Variants in RBFOX2 observed in about 807,000 individuals in gnomAD.
RBFOX2 encodes RNA binding protein fox-1 homolog 2.
RBFOX2 carries 10 observed loss-of-function variants against 49.1 expected under a neutral mutation model. That is an observed-to-expected ratio of 0.20 (90% CI 0.13 to 0.35). The LOEUF is 0.35. Ranked by LOEUF, RBFOX2 falls within the 10% of genes least tolerant of loss-of-function variation. The probability of loss-of-function intolerance (pLI) is 1.00; values close to 1 mark genes in which losing one functional copy is unlikely to be tolerated. For missense variants in RBFOX2, 323 were observed against 486.9 expected, an observed-to-expected ratio of 0.66 and a Z score of 3.17; for synonymous variants, 183 against 187.4, an observed-to-expected ratio of 0.98 and a Z score of 0.19.
rs892478019 is a variant in RBFOX2, at chr22:35,858,356, C to T, written c.-33-48352G>A. On this transcript the variant is annotated intron_variant, in intron 1 of 13. Coordinates refer to the RBFOX2 transcript ENST00000359369. Reference sequence around the variant, plus strand: ...AATGCCCAAATCTTAAAAATGCTACCTTAAATGCCATCTGCTCCACAAAGC... The same window carrying T: ...AATGCCCAAATCTTAAAAATGCTACTTTAAATGCCATCTGCTCCACAAAGC... Among the ~76,000 whole-genome samples, 3 of 152,140 alleles carry T rather than the reference C, an allele frequency of 2.0e-5. No homozygotes were observed. In the East Asian group the frequency reaches 5.8e-4, roughly 29 times the overall value.
intron 2 of RBFOX2, among the ~76,000 whole-genome samples, chr22:35,787,969 A>C (rs1230193906): frequency 3.3e-5 from 5 of 152,194 alleles, no homozygotes; most frequent in Admixed American, 3.3e-4. Flanking sequence ...CCCTTCAAAC[A>C]ACTCATCTTC....
chr22:35,972,433 T>C (rs1416056972), intron 1 of RBFOX2, among the ~76,000 whole-genome samples: 1 of 135,898 alleles, frequency 7.4e-6, no homozygotes, highest in Non-Finnish European at 1.5e-5. Context: ...TAATGCTTCC[T>C]CAAAAAAAAA....
At chr22:35,827,709 T>C (rs968831686) in intron 1 of RBFOX2, among the ~76,000 whole-genome samples, 2 of 152,234 alleles carry the variant, frequency 1.3e-5, no homozygotes, top group Admixed American at 6.5e-5. Context: ...CTTTGTATTA[T>C]AATTACTTAC....
intron 6 of RBFOX2, among the ~76,000 whole-genome samples, chr22:35,762,883 C>T (rs1939466825): frequency 6.6e-6 from 1 of 152,104 alleles, no homozygotes; most frequent in South Asian, 2.1e-4. Context: ...CAAGTGAAAA[C>T]CTATTCACTC....
intron 2 of RBFOX2, among the ~76,000 whole-genome samples, chr22:35,797,435 T>A (rs1395763040): frequency 1.3e-5 from 2 of 152,256 alleles, no homozygotes; most frequent in African/African-American, 4.8e-5. Context: ...GCTTTATGAA[T>A]ACTTTTCACT....
chr22:36,011,546 A>G (rs1267518976), intron 1 of RBFOX2, among the ~76,000 whole-genome samples: 1 of 152,210 alleles, frequency 6.6e-6, no homozygotes, highest in Admixed American at 6.5e-5. Context: ...AAAGCAAAGC[A>G]AAGTGCAGAA....
At chr22:35,910,760 A>G (rs2049718670) in intron 1 of RBFOX2, among the ~76,000 whole-genome samples, 1 of 152,216 alleles carries the variant, frequency 6.6e-6, no homozygotes, top group African/African-American at 2.4e-5. Context: ...AAAAACTGAA[A>G]TAACATTATT....
chr22:35,951,240 CCTT>C (rs2054890094), intron 1 of RBFOX2, among the ~76,000 whole-genome samples: 1 of 127,944 alleles, frequency 7.8e-6, no homozygotes, highest in Non-Finnish European at 1.6e-5. Flanking sequence ...CGCACCCGGC[CCTT>C]TTTTTTTTTT....
chr22:35,838,101 TAAGC>T (rs1301738882), intron 1 of RBFOX2, among the ~76,000 whole-genome samples: 3 of 152,192 alleles, frequency 2.0e-5, no homozygotes, highest in Non-Finnish European at 2.9e-5. Flanking sequence ...CAGTAATTGC[TAAGC>T]AAGAAGAGAG....
chr22:36,028,330 C>T (rs548459820), exon 1 of RBFOX2: 2 of 1,502,974 alleles, frequency 1.3e-6, no homozygotes, highest in African/African-American at 1.4e-5. Flanking sequence ...CCGCTCCGGG[C>T]ACCGGCAGCT....
At chr22:35,978,333 A>T (rs946688366) in intron 1 of RBFOX2, among the ~76,000 whole-genome samples, 1 of 152,194 alleles carries the variant, frequency 6.6e-6, no homozygotes, top group African/African-American at 2.4e-5. Flanking sequence ...GCACAAAGAG[A>T]TATGGAAATA....
intron 1 of RBFOX2, chr22:35,961,455 C>T (rs1004531707): frequency 5.8e-6 from 7 of 1,204,352 alleles, no homozygotes; most frequent in South Asian, 4.1e-5. Flanking sequence ...CAATTCCACA[C>T]GACCGACCTC....
At chr22:35,982,825 A>G (rs2057528107) in intron 1 of RBFOX2, among the ~76,000 whole-genome samples, 1 of 152,004 alleles carries the variant, frequency 6.6e-6, no homozygotes, top group African/African-American at 2.4e-5. Flanking sequence ...AATCCTATTT[A>G]TTAGTGTTAT....
intron 1 of RBFOX2, among the ~76,000 whole-genome samples, chr22:35,833,478 T>C (rs1218849493): frequency 6.6e-6 from 1 of 152,204 alleles, no homozygotes; most frequent in African/African-American, 2.4e-5. Flanking sequence ...GCATGCGAAT[T>C]TGGGACTAAA....
chr22:35,964,170 T>G (rs1293472944), upstream of RBFOX2, among the ~76,000 whole-genome samples: 3 of 152,184 alleles, frequency 2.0e-5, no homozygotes, highest in African/African-American at 7.2e-5. Context: ...CCAGATCTGT[T>G]TGGATTCCAA....
intron 1 of RBFOX2, among the ~76,000 whole-genome samples, chr22:35,859,697 A>T (rs2042909769): frequency 6.6e-6 from 1 of 152,210 alleles, no homozygotes; most frequent in Non-Finnish European, 1.5e-5. Context: ...TCATTCATAA[A>T]TCAGTAAATG....
intron 9 of RBFOX2, among the ~76,000 whole-genome samples, chr22:35,756,918 G>A (rs1003079716): frequency 1.3e-5 from 2 of 151,870 alleles, no homozygotes. Context: ...CAGAGATAAT[G>A]AGCTAAAGGT....
exon 12 of RBFOX2, chr22:35,742,341 ATATGTATTCTACAC>A (rs1930376867): frequency 6.6e-6 from 1 of 152,572 alleles, no homozygotes; most frequent in South Asian, 2.1e-4. Flanking sequence ...GGGGGAAAGG[ATATGTATTCTACAC>A]AACAGGTCAA....
chr22:36,012,515 G>A (rs1460156112), intron 1 of RBFOX2, among the ~76,000 whole-genome samples: 1 of 152,092 alleles, frequency 6.6e-6, no homozygotes, highest in Non-Finnish European at 1.5e-5. Flanking sequence ...AGGAGTTCAA[G>A]GCTGCAGTGA....
Sources: allele counts gnomAD v4.1 joint callset (sites outside exome capture counted in the v4.1 genomes callset), GRCh38; gene constraint gnomAD v4.1.1; transcripts MANE v1.5; gene names NCBI Gene and HGNC (gene_info 2026-07-23, HGNC 2026-07-21).